Variants in ADAM22 observed in about 807,000 individuals in gnomAD.
ADAM22 encodes disintegrin and metalloproteinase domain-containing protein 22.
A neutral mutation model predicts 144.6 loss-of-function variants in ADAM22; 65 were observed. The observed-to-expected ratio is 0.45, with a 90% CI of 0.37 to 0.55. The LOEUF (loss-of-function observed/expected upper bound fraction) is 0.55. Ranked by LOEUF, ADAM22 falls within the 20% of genes least tolerant of loss-of-function variation. The probability of loss-of-function intolerance (pLI) is 0.00; values close to 1 mark genes in which losing one functional copy is unlikely to be tolerated. For synonymous variants in ADAM22, 391 were observed against 412.6 expected (o/e 0.95, Z 0.63); for missense variants, 974 against 1,184.9 (o/e 0.82, Z 2.61).
chr7:87,944,641 G>T (rs564892084), intron 2 of ADAM22, among the ~76,000 whole-genome samples: 1 of 152,198 alleles, frequency 6.6e-6, no homozygotes, highest in African/African-American at 2.4e-5. Flanking sequence ...AAAGGGTGGT[G>T]GCAGGTGAGG....
At chr7:87,991,202 T>G (rs933798748) in intron 3 of ADAM22, among the ~76,000 whole-genome samples, 1 of 152,110 alleles carries the variant, frequency 6.6e-6, no homozygotes, top group Non-Finnish European at 1.5e-5. Flanking sequence ...CAGATTGACT[T>G]TTTATTATAT....
chr7:88,049,600 G>A (rs1293148982), intron 3 of ADAM22, among the ~76,000 whole-genome samples: 3 of 152,148 alleles, frequency 2.0e-5, no homozygotes, highest in African/African-American at 7.2e-5. Context: ...GTTTCTCCAT[G>A]TTGGTCAGGC....
At chr7:87,938,678 C>T (rs1001108414) in intron 2 of ADAM22, among the ~76,000 whole-genome samples, 2 of 152,006 alleles carry the variant, frequency 1.3e-5, no homozygotes, top group Non-Finnish European at 2.9e-5. Flanking sequence ...TGGAGTCTCA[C>T]TCTCTTGCCC....
At chr7:88,171,629 A>T in intron 26 of ADAM22, 68 bp downstream of exon 26, 1 of 1,332,748 alleles carries the variant, frequency 7.5e-7, no homozygotes, top group Non-Finnish European at 1.0e-6. Context: ...GTTGGAATTC[A>T]TACATGCAAT....
At chr7:88,114,111 C>T (rs1417550773) in intron 5 of ADAM22, among the ~76,000 whole-genome samples, 1 of 152,030 alleles carries the variant, frequency 6.6e-6, no homozygotes, top group Non-Finnish European at 1.5e-5. Flanking sequence ...TGTGTTAGCT[C>T]TTGTTACTAG....
At chr7:87,960,294 T>C (rs1389506017) in intron 2 of ADAM22, among the ~76,000 whole-genome samples, 1 of 152,192 alleles carries the variant, frequency 6.6e-6, no homozygotes, top group Non-Finnish European at 1.5e-5. Flanking sequence ...AAGCATCATA[T>C]GTTCACTGAT....
At chr7:88,071,345 A>T (rs1217609189) in intron 3 of ADAM22, among the ~76,000 whole-genome samples, 1 of 150,474 alleles carries the variant, frequency 6.6e-6, no homozygotes, top group African/African-American at 2.5e-5. Flanking sequence ...TATGGGATGC[A>T]TTTCATCTAT....
chr7:88,101,127 G>T (rs1049625763), intron 4 of ADAM22, among the ~76,000 whole-genome samples: 1 of 151,768 alleles, frequency 6.6e-6, no homozygotes, highest in African/African-American at 2.4e-5. Context: ...AAATACCCAG[G>T]TCCCACCCTC....
At position 87,937,518 on chromosome 7, in the gene ADAM22, C is replaced by T. The variant is rs903894126; in HGVS notation, c.246+2332C>T. On this transcript the variant is annotated intron_variant, in intron 2 of 31. Coordinates refer to ENST00000413139, the MANE Select transcript of ADAM22 (RefSeq NM_001324418.2). ...ACCTGGAAACTCACAGAATCTCTGA[C>T]TCATGCTGGAAATGTCTTTGGGTAC... 3.9e-5 allele frequency among the ~76,000 whole-genome samples: 6 copies of T among 152,298 alleles called. No homozygotes were observed. In the South Asian group the frequency reaches 1.0e-3, roughly 26 times the overall value.
intron 2 of ADAM22, among the ~76,000 whole-genome samples, chr7:87,943,658 C>A (rs1842898776): frequency 6.6e-6 from 1 of 152,060 alleles, no homozygotes; most frequent in Non-Finnish European, 1.5e-5. Flanking sequence ...ACAGACTGTT[C>A]TCTGTAACTT....
chr7:87,983,638 C>T (rs1341609431), intron 3 of ADAM22, among the ~76,000 whole-genome samples: 1 of 151,986 alleles, frequency 6.6e-6, no homozygotes. Context: ...TTACTTATTA[C>T]CATTTCCTAC....
At chr7:87,958,782 A>T (rs1847388686) in intron 2 of ADAM22, among the ~76,000 whole-genome samples, 1 of 151,984 alleles carries the variant, frequency 6.6e-6, no homozygotes, top group South Asian at 2.1e-4. Flanking sequence ...ACCTTTGGTG[A>T]TCTGTATTTC....
At chr7:87,982,144 TA>T (rs1562914912) in intron 3 of ADAM22, among the ~76,000 whole-genome samples, 1 of 148,496 alleles carries the variant, frequency 6.7e-6, no homozygotes, top group Non-Finnish European at 1.5e-5. Context: ...CTAGTAATGC[TA>T]AAAGCTTCTC....
At chr7:88,171,426 C>G in intron 25 of ADAM22, 118 bp from the exon 26 acceptor site, 1 of 844,272 alleles carries the variant, frequency 1.2e-6, no homozygotes, top group Non-Finnish European at 1.8e-6. Flanking sequence ...TCAGAATCCT[C>G]TAGTGAAGAC....
intron 4 of ADAM22, among the ~76,000 whole-genome samples, chr7:88,080,315 C>A (rs1255886650): frequency 1.3e-5 from 2 of 152,054 alleles, no homozygotes; most frequent in Non-Finnish European, 2.9e-5. Flanking sequence ...AAAGATACAA[C>A]ATACCAGAAT....
At chr7:88,075,040 G>A (rs1287985111) in intron 3 of ADAM22, among the ~76,000 whole-genome samples, 1 of 152,032 alleles carries the variant, frequency 6.6e-6, no homozygotes, top group Non-Finnish European at 1.5e-5. Context: ...AAAAGGGAAA[G>A]TTTTTCATAT....
intron 2 of ADAM22, among the ~76,000 whole-genome samples, chr7:87,956,633 C>G (rs1421228299): frequency 1.3e-5 from 2 of 152,202 alleles, no homozygotes; most frequent in African/African-American, 4.8e-5. Flanking sequence ...TGGGCACCCA[C>G]TGATCTACTT....
intron 30 of ADAM22, among the ~76,000 whole-genome samples, chr7:88,192,762 A>T (rs1849889997): frequency 6.6e-6 from 1 of 152,208 alleles, no homozygotes; most frequent in Admixed American, 6.5e-5. Context: ...AATAAGGCAC[A>T]ATATTAATAT....
At chr7:88,130,090 A>T (rs1831382352) in intron 9 of ADAM22, among the ~76,000 whole-genome samples, 1 of 151,534 alleles carries the variant, frequency 6.6e-6, no homozygotes, top group Non-Finnish European at 1.5e-5. Context: ...TTTGAATAAC[A>T]ATCCCAATAA....
Sources: gnomAD v4.1 joint callset for allele counts (sites outside exome capture counted in the v4.1 genomes callset) on GRCh38, gnomAD v4.1.1 for gene constraint, MANE v1.5 for transcripts, NCBI Gene and HGNC (gene_info 2026-07-23, HGNC 2026-07-21) for gene names.